Variants in FGF12 observed in about 807,000 individuals in gnomAD.
The protein encoded by FGF12 is fibroblast growth factor 12.
Under a neutral mutation model 23.6 loss-of-function variants are expected in FGF12, and 14 were observed. The ratio of observed to expected loss-of-function variants is 0.59; its 90% CI spans 0.39 to 0.93. FGF12 has a LOEUF of 0.93. Among genes scored for constraint, FGF12 ranks in the 40% least tolerant of loss-of-function variants. FGF12 has a pLI of 0.00. For missense variants in FGF12, 175 were observed against 217.8 expected (o/e 0.80, Z 1.24); for synonymous variants, 62 against 77.3 (o/e 0.80, Z 1.04).
intron 2 of FGF12, among the ~76,000 whole-genome samples, chr3:192,652,286 G>C (rs1251374351): frequency 3.3e-5 from 5 of 152,170 alleles, no homozygotes; most frequent in Non-Finnish European, 7.3e-5. Context: ...CCTTGAAGAG[G>C]GAGGAGTATT....
chr3:192,404,780 C>T (rs555409386), intron 2 of FGF12, among the ~76,000 whole-genome samples: 50 of 152,296 alleles, frequency 3.3e-4, no homozygotes, highest in South Asian at 2.9e-3. Flanking sequence ...CTAAGGGGCC[C>T]ATTAACCCTA....
chr3:192,457,475 T>C (rs1409398704), intron 2 of FGF12, among the ~76,000 whole-genome samples: 8 of 152,138 alleles, frequency 5.3e-5, no homozygotes, highest in African/African-American at 1.2e-4. Flanking sequence ...GAGGAACTTG[T>C]TGGGAACTGG....
chr3:192,714,513 AT>A (rs770781442), intron 2 of FGF12, among the ~76,000 whole-genome samples: 1,338 of 99,724 alleles, frequency 0.013, 5 homozygotes, highest in African/African-American at 0.045. Flanking sequence ...TAAGGAAATA[AT>A]TTTTTTTTTT....
At position 192,140,613 on chromosome 3, in the gene FGF12, C is replaced by T. The variant is rs998955869; in HGVS notation, c.*3396G>A. 4.0e-5 allele frequency: 6 copies of T among 151,888 alleles called. No homozygotes were observed. Among genetic ancestry groups the T allele is most frequent in the Admixed American group, 6.6e-5 (1 of 15,238 alleles). The allele number at this position is 151,888 out of a possible 1,614,324, so 9.4% of individuals were successfully genotyped here. The stretch of plus-strand genomic sequence containing the variant: ...TACTCTCATCTCCCACTAGTGGCAC[C>T]GCAGGACTACCAATCTAGATATTAG... On this transcript the variant is annotated 3_prime_UTR_variant, in exon 6 of 6. Coordinates refer to ENST00000445105, the MANE Select transcript of FGF12 (RefSeq NM_004113.6).
intron 2 of FGF12, among the ~76,000 whole-genome samples, chr3:192,401,802 T>A (rs1338105504): frequency 6.6e-6 from 1 of 152,200 alleles, no homozygotes; most frequent in Non-Finnish European, 1.5e-5. Flanking sequence ...TCAGCTATAC[T>A]TCAATTTCTT....
intron 4 of FGF12, among the ~76,000 whole-genome samples, chr3:192,202,757 T>A (rs1717437651): frequency 6.6e-6 from 1 of 152,216 alleles, no homozygotes. Flanking sequence ...TACCAGTAAT[T>A]ACCACTTTAC....
At chr3:192,202,422 T>A (rs1717419341) in intron 4 of FGF12, among the ~76,000 whole-genome samples, 1 of 152,224 alleles carries the variant, frequency 6.6e-6, no homozygotes, top group Admixed American at 6.5e-5. Context: ...TCTCCATTTG[T>A]GTTTGGTCTT....
At position 192,169,588 on chromosome 3, in the gene FGF12, A is replaced by T. The variant is rs150243943; in HGVS notation, c.427+870T>A. Among the ~76,000 whole-genome samples the T allele has an allele frequency of 1.1e-4, 16 of 152,278 alleles. 1 individual carries two copies. The highest frequency in any genetic ancestry group is 3.9e-4 in the African/African-American group (16 of 41,550). Reference sequence around the variant, plus strand: ...ATGCCATATGAGATATTCAGGGGACAGCAAGCTTGACTAAGCCACAGAGTT... The same window carrying T: ...ATGCCATATGAGATATTCAGGGGACTGCAAGCTTGACTAAGCCACAGAGTT... On this transcript the variant is annotated intron_variant, in intron 5 of 5. Transcript: ENST00000445105.
At chr3:192,306,497 A>G (rs988350146) in intron 4 of FGF12, among the ~76,000 whole-genome samples, 1 of 152,164 alleles carries the variant, frequency 6.6e-6, no homozygotes, top group African/African-American at 2.4e-5. Context: ...TCACACTTGT[A>G]ATCCCAGAGT....
At chr3:192,378,119 T>G (rs56220446) in intron 2 of FGF12, among the ~76,000 whole-genome samples, 3 of 53,310 alleles carry the variant, frequency 5.6e-5, no homozygotes, top group Non-Finnish European at 7.8e-5. Context: ...CTTTCTCTCT[T>G]TGTTTTTTTT....
intron 4 of FGF12, among the ~76,000 whole-genome samples, chr3:192,261,147 C>T (rs1352996971): frequency 6.6e-6 from 1 of 152,092 alleles, no homozygotes; most frequent in Non-Finnish European, 1.5e-5. Context: ...AAGGGAACTG[C>T]AGGTGAGAGA....
chr3:192,278,650 C>T (rs964317383), intron 4 of FGF12, among the ~76,000 whole-genome samples: 4 of 152,110 alleles, frequency 2.6e-5, no homozygotes, highest in African/African-American at 9.7e-5. Context: ...GGAAACGAGG[C>T]TTTAATAGGA....
chr3:192,290,818 A>G (rs1327716515), intron 4 of FGF12, among the ~76,000 whole-genome samples: 1 of 152,190 alleles, frequency 6.6e-6, no homozygotes, highest in Non-Finnish European at 1.5e-5. Context: ...TGCAGGTTGT[A>G]TCCTTGTTAA....
At chr3:192,328,862 G>A (rs1476113205) in intron 4 of FGF12, among the ~76,000 whole-genome samples, 1 of 152,208 alleles carries the variant, frequency 6.6e-6, no homozygotes, top group African/African-American at 2.4e-5. Context: ...TGGTGCCTGA[G>A]ATGTGGTAGA....
At chr3:192,474,457 G>T (rs1461565290) in intron 2 of FGF12, among the ~76,000 whole-genome samples, 2 of 152,184 alleles carry the variant, frequency 1.3e-5, no homozygotes, top group African/African-American at 4.8e-5. Context: ...AGTGATTGGT[G>T]CTTGGATAGG....
chr3:192,674,881 G>A (rs748692033), intron 2 of FGF12, among the ~76,000 whole-genome samples: 19 of 152,226 alleles, frequency 1.2e-4, no homozygotes, highest in Non-Finnish European at 1.9e-4. Flanking sequence ...TTCTGTCACA[G>A]CAAGGGTGTA....
intron 4 of FGF12, chr3:192,266,957 T>C (rs1713116357): frequency 6.6e-6 from 1 of 152,110 alleles, no homozygotes; most frequent in Non-Finnish European, 1.5e-5. Flanking sequence ...AAAACCTGAA[T>C]TATAGGAGAG....
chr3:192,681,317 A>G (rs945528341), intron 2 of FGF12, among the ~76,000 whole-genome samples: 10 of 152,216 alleles, frequency 6.6e-5, no homozygotes, highest in African/African-American at 2.4e-4. Flanking sequence ...AGGAATGACT[A>G]AGTTTCCACT....
At position 192,158,378 on chromosome 3, in the gene FGF12, C is replaced by CTT. The variant is rs1490109116; in HGVS notation, c.427+12078_427+12079dup. On this transcript the variant is annotated intron_variant, in intron 5 of 5. Transcript: ENST00000445105. Reference sequence around the variant, plus strand: ...TCTTTCTTTCTTTCTTTCTTTCTTTCTTTCTTTTCTTTCTCTCTCTTTCTT... The same window carrying CTT: ...TCTTTCTTTCTTTCTTTCTTTCTTTCTTTTTCTTTTCTTTCTCTCTCTTTCTT... 2.7e-5 allele frequency among the ~76,000 whole-genome samples: 3 copies of CTT among 111,170 alleles called. 1 individual carries two copies. Among genetic ancestry groups the CTT allele is most frequent in the African/African-American group, 1.1e-4 (3 of 27,932 alleles). 72.9% of individuals were successfully genotyped at this position (111,170 alleles called of 152,430 possible). A position where few individuals can be genotyped will look rare whatever the true frequency, so the allele number is the denominator to read the frequency against.
Sources: allele counts gnomAD v4.1 joint callset (sites outside exome capture counted in the v4.1 genomes callset), GRCh38; gene constraint gnomAD v4.1.1; transcripts MANE v1.5; gene names NCBI Gene and HGNC (gene_info 2026-07-23, HGNC 2026-07-21).